CRTAC1: variants seen among roughly 807,000 people sequenced by gnomAD.
CRTAC1 encodes cartilage acidic protein 1, also known as acidic secreted protein in cartilage.
Under a neutral mutation model 67.8 loss-of-function variants are expected in CRTAC1, and 37 were observed. The ratio of observed to expected loss-of-function variants is 0.55; its 90% CI spans 0.42 to 0.72. The LOEUF (loss-of-function observed/expected upper bound fraction) is 0.72. CRTAC1 is among the 30% of genes least tolerant of loss of function. The probability of loss-of-function intolerance (pLI) is 0.00; values close to 1 mark genes in which losing one functional copy is unlikely to be tolerated. For synonymous variants in CRTAC1, 348 were observed against 371.0 expected, an observed-to-expected ratio of 0.94 and a Z score of 0.71; for missense variants, 780 against 931.6, an observed-to-expected ratio of 0.84 and a Z score of 2.12.
rs537163318 is a variant in CRTAC1 at position 98,029,491 on chromosome 10, A to AGCAGCGGCGGCGGCG, written c.24+957_24+958insCGCCGCCGCCGCTGC. On this transcript the variant is annotated intron_variant, in intron 1 of 14. Coordinates refer to ENST00000370597, the MANE Select transcript of CRTAC1 (RefSeq NM_018058.7). This position sits in a 1 kb window ranked among gnomAD's most constrained non-coding sequence, Gnocchi z 4.7. ...ACTGGGTGCACCCACCAGCAGCAGCAGCGGCGGCGGCGGCGGCGGCGGCGG... is the reference window on the plus strand; with the variant it reads ...ACTGGGTGCACCCACCAGCAGCAGCAGCAGCGGCGGCGGCGGCGGCGGCGGCGGCGGCGGCGGCGG... Among the ~76,000 whole-genome samples, 1 of 140,364 alleles carries AGCAGCGGCGGCGGCG rather than the reference A, an allele frequency of 7.1e-6. No individual in the cohort carries two copies. The highest frequency in any genetic ancestry group is 2.8e-5 in the African/African-American group (1 of 35,284). 92.1% of individuals were successfully genotyped at this position (140,364 alleles called of 152,430 possible).
rs148172579 is a variant in CRTAC1, at chr10:97,990,077, T to C, written c.224+21061A>G. On this transcript the variant is annotated intron_variant, in intron 2 of 14. Transcript: ENST00000370597. ...TCTTGAACACTTTCAGGTGTGACGATACCTTTTAATGTTAAAGAATCTCCA... is the reference window on the plus strand; with the variant it reads ...TCTTGAACACTTTCAGGTGTGACGACACCTTTTAATGTTAAAGAATCTCCA... Among the ~76,000 whole-genome samples the C allele has an allele frequency of 2.0e-3, 309 of 152,366 alleles. 1 individual carries two copies. Among genetic ancestry groups the C allele is most frequent in the African/African-American group, 7.1e-3 (294 of 41,592 alleles).
intron 1 of CRTAC1, among the ~76,000 whole-genome samples, chr10:98,017,730 TC>T (rs1843027725): frequency 6.9e-6 from 1 of 145,548 alleles, no homozygotes; most frequent in African/African-American, 2.6e-5. Context: ...GGAGATGGGG[TC>T]TTGCTATGTT....
At chr10:98,007,702 A>G (rs1842820151) in intron 2 of CRTAC1, among the ~76,000 whole-genome samples, 1 of 152,220 alleles carries the variant, frequency 6.6e-6, no homozygotes, top group South Asian at 2.1e-4. Flanking sequence ...TTTCACATCA[A>G]GACCCAGGAT....
intron 4 of CRTAC1, among the ~76,000 whole-genome samples, chr10:97,921,240 A>G (rs2050831727): frequency 6.6e-6 from 1 of 152,118 alleles, no homozygotes; most frequent in Non-Finnish European, 1.5e-5. Context: ...CTACACTGAG[A>G]TCCACTGACC....
At chr10:98,014,670 G>A (rs1423606323) in intron 1 of CRTAC1, among the ~76,000 whole-genome samples, 1 of 152,066 alleles carries the variant, frequency 6.6e-6, no homozygotes, top group African/African-American at 2.4e-5. Context: ...ACATTTCTCC[G>A]AAGATATACA....
intron 2 of CRTAC1, among the ~76,000 whole-genome samples, chr10:97,945,114 T>A (rs1055232589): frequency 6.6e-6 from 1 of 152,162 alleles, no homozygotes; most frequent in African/African-American, 2.4e-5. Flanking sequence ...AGAGGAAAAA[T>A]TTATCTCTGG....
intron 2 of CRTAC1, among the ~76,000 whole-genome samples, chr10:97,997,966 A>G (rs1055522556): frequency 2.6e-4 from 40 of 152,126 alleles, no homozygotes; most frequent in African/African-American, 2.9e-4. Flanking sequence ...GAGAGAATGG[A>G]GGAAAGACTT....
intron 8 of CRTAC1, among the ~76,000 whole-genome samples, chr10:97,897,339 A>C (rs2050475416): frequency 6.6e-6 from 1 of 152,112 alleles, no homozygotes; most frequent in Non-Finnish European, 1.5e-5. Flanking sequence ...CTAGTTCTGG[A>C]TGCTACCCAG....
chr10:97,945,120 T>G (rs2051243855), intron 2 of CRTAC1, among the ~76,000 whole-genome samples: 1 of 152,224 alleles, frequency 6.6e-6, no homozygotes, highest in Non-Finnish European at 1.5e-5. Flanking sequence ...AAAATTTATC[T>G]CTGGCAAGTA....
At chr10:97,948,713 T>C (rs115752400) in intron 2 of CRTAC1, among the ~76,000 whole-genome samples, 146 of 152,286 alleles carry the variant, frequency 9.6e-4, no homozygotes, top group African/African-American at 3.4e-3. Flanking sequence ...TAATATCCTG[T>C]ATTAGTTCAT....
intron 1 of CRTAC1, among the ~76,000 whole-genome samples, chr10:98,012,148 C>T (rs1260902409): frequency 2.6e-5 from 4 of 152,096 alleles, no homozygotes; most frequent in Non-Finnish European, 5.9e-5. Flanking sequence ...TAAACCATTG[C>T]GTGCGTGTTT....
intron 2 of CRTAC1, among the ~76,000 whole-genome samples, chr10:98,000,805 A>C (rs1842673126): frequency 6.6e-6 from 1 of 152,240 alleles, no homozygotes; most frequent in Non-Finnish European, 1.5e-5. Context: ...ATGGAAATTG[A>C]GAAAACAAAA....
chr10:97,916,902 CAG>C (rs1426840142), intron 5 of CRTAC1, among the ~76,000 whole-genome samples: 4 of 152,114 alleles, frequency 2.6e-5, no homozygotes, highest in African/African-American at 4.8e-5. Context: ...ATCTCCCTGT[CAG>C]AGAGTCTGAC....
chr10:98,007,213 A>G (rs1842806728), intron 2 of CRTAC1, among the ~76,000 whole-genome samples: 1 of 152,188 alleles, frequency 6.6e-6, no homozygotes, highest in South Asian at 2.1e-4. Flanking sequence ...TAGGATTGCC[A>G]CGTTCGCTTG....
At chr10:97,907,812 A>G (rs567123305) in intron 6 of CRTAC1, among the ~76,000 whole-genome samples, 74 of 152,270 alleles carry the variant, frequency 4.9e-4, no homozygotes, top group African/African-American at 1.7e-3. Context: ...CCCCAGCAGC[A>G]AACACTCCCT....
chr10:98,005,630 C>T (rs557310393), intron 2 of CRTAC1, among the ~76,000 whole-genome samples: 2 of 150,910 alleles, frequency 1.3e-5, no homozygotes, highest in Non-Finnish European at 3.0e-5. Flanking sequence ...ATACATACTA[C>T]ATCTACCTAT....
chr10:98,008,717 T>C (rs896040664), intron 2 of CRTAC1, among the ~76,000 whole-genome samples: 3 of 152,112 alleles, frequency 2.0e-5, no homozygotes, highest in Non-Finnish European at 4.4e-5. Flanking sequence ...CTTACTTTTT[T>C]CCACATTAAC....
At chr10:98,015,657 T>C (rs778059858) in intron 1 of CRTAC1, among the ~76,000 whole-genome samples, 1 of 152,210 alleles carries the variant, frequency 6.6e-6, no homozygotes, top group Non-Finnish European at 1.5e-5. Context: ...TTTTAAAAGC[T>C]CCCACATGAT....
At chr10:98,025,220 TTC>T (rs1333940864) in intron 1 of CRTAC1, among the ~76,000 whole-genome samples, 2 of 152,150 alleles carry the variant, frequency 1.3e-5, no homozygotes, top group Non-Finnish European at 2.9e-5. Context: ...AGTCCCGGGT[TTC>T]TCAATCTTGG....
Sources: gnomAD v4.1 joint callset for allele counts (sites outside exome capture counted in the v4.1 genomes callset) on GRCh38, gnomAD v4.1.1 for gene constraint, Gnocchi (gnomAD v3.1) non-coding constraint, MANE v1.5 for transcripts, NCBI Gene and HGNC (gene_info 2026-07-23, HGNC 2026-07-21) for gene names.